DPYD: variants seen among roughly 807,000 people sequenced by gnomAD.
DPYD encodes the protein dihydropyrimidine dehydrogenase [NADP(+)].
In DPYD, 109 loss-of-function variants were observed where a neutral mutation model predicts 116.2. That is an observed-to-expected ratio of 0.94 (90% CI 0.80 to 1.10). The LOEUF (loss-of-function observed/expected upper bound fraction) is 1.10. DPYD is among the 50% of genes least tolerant of loss of function. DPYD has a pLI of 0.00. For synonymous variants in DPYD, 440 were observed against 432.0 expected (o/e 1.02, Z -0.23); for missense variants, 1,302 against 1,254.5 (o/e 1.04, Z -0.57).
chr1:97,725,860 T>G (rs954975769), intron 4 of DPYD, among the ~76,000 whole-genome samples: 4 of 150,914 alleles, frequency 2.7e-5, no homozygotes, highest in Non-Finnish European at 4.4e-5. Flanking sequence ...AGTATGGAGG[T>G]TTTTTTTAGC....
chr1:97,171,895 C>T (rs1421850167), intron 20 of DPYD, among the ~76,000 whole-genome samples: 1 of 152,024 alleles, frequency 6.6e-6, no homozygotes, highest in Admixed American at 6.6e-5. Context: ...AGTTTATAGG[C>T]ATCACCTGCA....
At chr1:97,323,388 G>A (rs1377013628) in intron 16 of DPYD, among the ~76,000 whole-genome samples, 1 of 102,806 alleles carries the variant, frequency 9.7e-6, no homozygotes, top group Admixed American at 1.0e-4. Context: ...ATATGTACAC[G>A]TATGTATACA....
chr1:97,838,016 A>AAAT (rs1368062144), intron 2 of DPYD, among the ~76,000 whole-genome samples: 1 of 152,156 alleles, frequency 6.6e-6, no homozygotes, highest in African/African-American at 2.4e-5. Flanking sequence ...CCCTCATTTT[A>AAAT]GAAGATACAA....
chr1:97,534,146 CA>C (rs1649832881), intron 12 of DPYD, among the ~76,000 whole-genome samples: 1 of 152,076 alleles, frequency 6.6e-6, no homozygotes, highest in Admixed American at 6.6e-5. Context: ...CAACCACCAA[CA>C]ATAAGGTAAC....
intron 13 of DPYD, among the ~76,000 whole-genome samples, chr1:97,499,995 A>T (rs1236093713): frequency 6.6e-6 from 1 of 151,922 alleles, no homozygotes; most frequent in African/African-American, 2.4e-5. Flanking sequence ...ATGTGTATGT[A>T]CCTAACATCA....
At chr1:97,323,366 G>A (rs62644177) in intron 16 of DPYD, among the ~76,000 whole-genome samples, 32,387 of 58,458 alleles carry the variant, frequency 0.55, 9,808 homozygotes, top group South Asian at 0.74. Flanking sequence ...GTACACGTAT[G>A]TATACATGTG....
chr1:97,165,331 A>T (rs1307975586), intron 20 of DPYD, among the ~76,000 whole-genome samples: 1 of 152,280 alleles, frequency 6.6e-6, no homozygotes, highest in East Asian at 1.9e-4. Flanking sequence ...AATGGGGAAA[A>T]GACTCCCTGT....
intron 20 of DPYD, among the ~76,000 whole-genome samples, chr1:97,099,327 ATCACAT>A (rs1351462737): frequency 1.1e-4 from 17 of 152,126 alleles, no homozygotes. Flanking sequence ...AGTATTCAAA[ATCACAT>A]CACGGAGCTT....
intron 2 of DPYD, among the ~76,000 whole-genome samples, chr1:97,879,980 T>C (rs1402066276): frequency 6.6e-6 from 1 of 151,558 alleles, no homozygotes; most frequent in Non-Finnish European, 1.5e-5. Context: ...TAACTCTGTT[T>C]TGGGTAAGTG....
intron 20 of DPYD, among the ~76,000 whole-genome samples, chr1:97,145,269 C>G (rs1304942876): frequency 6.6e-6 from 1 of 151,762 alleles, no homozygotes; most frequent in Non-Finnish European, 1.5e-5. Context: ...AATAATAGAC[C>G]AAAGGTTTTG....
At position 97,798,145 on chromosome 1, in the gene DPYD, A is replaced by C. The variant is rs540086620; in HGVS notation, c.233+29969T>G. 4 of 152,164 alleles carry C rather than the reference A, an allele frequency of 2.6e-5. No homozygotes were observed. The South Asian group carries it at 8.3e-4, about 32-fold the overall frequency. The allele number at this position is 152,164 out of a possible 1,614,324, so 9.4% of individuals were successfully genotyped here. ...TTAAATAATTGAAAAAATATCCTCA[A>C]AATTCTTTTTTGGCCATCTTCCCAA... On this transcript the variant is annotated intron_variant, in intron 3 of 22. Coordinates refer to ENST00000370192, the MANE Select transcript of DPYD (RefSeq NM_000110.4).
intron 13 of DPYD, among the ~76,000 whole-genome samples, chr1:97,494,650 G>A (rs568994264): frequency 6.6e-6 from 1 of 152,024 alleles, no homozygotes; most frequent in African/African-American, 2.4e-5. Context: ...GGCTGAGGCG[G>A]GTGGATCTCT....
chr1:97,415,423 G>A (rs1674238681), intron 14 of DPYD, among the ~76,000 whole-genome samples: 2 of 152,142 alleles, frequency 1.3e-5, no homozygotes, highest in South Asian at 4.1e-4. Context: ...CGCCACCAGG[G>A]CTCAAGCGAT....
chr1:97,901,299 G>A (rs1400264309), intron 1 of DPYD, among the ~76,000 whole-genome samples: 1 of 151,782 alleles, frequency 6.6e-6, no homozygotes, highest in Non-Finnish European at 1.5e-5. Flanking sequence ...GTAACTCAAC[G>A]ATTGCTGCAT....
At chr1:97,258,185 C>T (rs545263357) in intron 18 of DPYD, among the ~76,000 whole-genome samples, 1 of 152,088 alleles carries the variant, frequency 6.6e-6, no homozygotes, top group Non-Finnish European at 1.5e-5. Flanking sequence ...ACACTACAGC[C>T]TCCTTGACCA....
intron 8 of DPYD, among the ~76,000 whole-genome samples, chr1:97,635,533 C>T (rs920065080): frequency 6.6e-6 from 1 of 152,152 alleles, no homozygotes; most frequent in African/African-American, 2.4e-5. Flanking sequence ...AATGAATTTA[C>T]TTACAAATTG....
At chr1:97,523,217 T>C (rs1421739484) in intron 12 of DPYD, among the ~76,000 whole-genome samples, 1 of 152,140 alleles carries the variant, frequency 6.6e-6, no homozygotes, top group Admixed American at 6.5e-5. Context: ...AAGCTAAATG[T>C]CCAAGTTTTA....
chr1:97,202,616 G>T (rs1405564440), intron 19 of DPYD, among the ~76,000 whole-genome samples: 1 of 152,164 alleles, frequency 6.6e-6, no homozygotes, highest in African/African-American at 2.4e-5. Flanking sequence ...CTATTCAGAA[G>T]AGCATTTGTG....
chr1:97,183,980 A>C (rs1657821049), intron 20 of DPYD, among the ~76,000 whole-genome samples: 1 of 152,010 alleles, frequency 6.6e-6, no homozygotes, highest in South Asian at 2.1e-4. Context: ...TTGTATTCTC[A>C]TTATTTAGCT....
Sources: allele counts gnomAD v4.1 joint callset (sites outside exome capture counted in the v4.1 genomes callset), GRCh38; gene constraint gnomAD v4.1.1; transcripts MANE v1.5; gene names NCBI Gene and HGNC (gene_info 2026-07-23, HGNC 2026-07-21).